Variants in PCDHA6 observed in about 807,000 individuals in gnomAD.
The protein encoded by PCDHA6 is protocadherin alpha-6.
Under a neutral mutation model 60.3 loss-of-function variants are expected in PCDHA6, and 55 were observed. The observed-to-expected ratio is 0.91, with a 90% CI of 0.73 to 1.14. The LOEUF (loss-of-function observed/expected upper bound fraction) is 1.14, where lower values mean the gene tolerates loss of function less well. Among genes scored for constraint, PCDHA6 ranks in the 50% most tolerant of loss-of-function variants. PCDHA6 has a pLI of 0.00. For synonymous variants in PCDHA6, 652 were observed against 557.9 expected, an observed-to-expected ratio of 1.17 and a Z score of -2.38; for missense variants, 1,327 against 1,256.5, an observed-to-expected ratio of 1.06 and a Z score of -0.85.
intron 1 of PCDHA6, chr5:140,870,013 A>C: frequency 6.2e-7 from 1 of 1,613,716 alleles, no homozygotes; most frequent in Non-Finnish European, 8.5e-7. Context: ...AGTGAGGGTC[A>C]ATGGAACTTT....
At chr5:140,847,483 T>C (rs1445193080) in intron 1 of PCDHA6, 2 of 149,968 alleles carry the variant, frequency 1.3e-5, no homozygotes, top group Non-Finnish European at 3.0e-5. Flanking sequence ...TGGAATAAGA[T>C]AGTAAAACTC....
intron 3 of PCDHA6, among the ~76,000 whole-genome samples, chr5:140,986,469 T>G (rs2097202307): frequency 6.6e-6 from 1 of 152,214 alleles, no homozygotes; most frequent in Non-Finnish European, 1.5e-5. Context: ...TGCCCTCTTG[T>G]GATCAGTTCC....
At chr5:140,957,189 G>T (rs1376112973) in intron 1 of PCDHA6, among the ~76,000 whole-genome samples, 1 of 152,174 alleles carries the variant, frequency 6.6e-6, no homozygotes, top group South Asian at 2.1e-4. Context: ...ATTGATGACC[G>T]ATTGGGAATA....
intron 1 of PCDHA6, chr5:140,869,090 C>T: frequency 6.3e-7 from 1 of 1,589,674 alleles, no homozygotes; most frequent in Non-Finnish European, 8.6e-7. Context: ...TTTTGGAAGC[C>T]AATTTCGTAT....
intron 1 of PCDHA6, among the ~76,000 whole-genome samples, chr5:140,934,564 A>T (rs2089922231): frequency 6.6e-6 from 1 of 152,076 alleles, no homozygotes; most frequent in African/African-American, 2.4e-5. Flanking sequence ...TCTTTTTTTT[A>T]ATTAATTGTA....
At chr5:140,922,910 A>C (rs1418606862) in intron 1 of PCDHA6, among the ~76,000 whole-genome samples, 4 of 152,228 alleles carry the variant, frequency 2.6e-5, no homozygotes, top group Admixed American at 2.6e-4. Flanking sequence ...TTGAGATACA[A>C]ATAAACTTCA....
chr5:140,871,484 A>G, intron 1 of PCDHA6: 1 of 1,592,270 alleles, frequency 6.3e-7, no homozygotes, highest in Non-Finnish European at 8.6e-7. Context: ...GGGTCAAATC[A>G]CCCCGGACAG....
At chr5:140,873,204 T>TAAAAG (rs2054159059) in intron 1 of PCDHA6, among the ~76,000 whole-genome samples, 1 of 152,168 alleles carries the variant, frequency 6.6e-6, no homozygotes, top group Non-Finnish European at 1.5e-5. Flanking sequence ...AAAACATTCT[T>TAAAAG]TAAGTATTAA....
chr5:140,835,849 T>A (rs2150246527), intron 1 of PCDHA6: 15 of 1,612,302 alleles, frequency 9.3e-6, no homozygotes, highest in Non-Finnish European at 1.3e-5. Flanking sequence ...AAGAACGCGC[T>A]GGTGTCCTAC....
chr5:140,939,240 AGGT>A (rs1314261929), intron 1 of PCDHA6, among the ~76,000 whole-genome samples: 2 of 152,170 alleles, frequency 1.3e-5, no homozygotes, highest in African/African-American at 4.8e-5. Context: ...GGAAGGAGCA[AGGT>A]AGCTCTCTGG....
chr5:141,008,323 A>C lies in PCDHA6; in HGVS notation c.2543-1304A>C, dbSNP rs2098370005. ...CCCTAAACTGTAATTGAACATAAACAGTTTATTTGATGGAGCTTTTCACGT... is the reference window on the plus strand; with the variant it reads ...CCCTAAACTGTAATTGAACATAAACCGTTTATTTGATGGAGCTTTTCACGT... On this transcript the variant is annotated intron_variant, in intron 3 of 3. Transcript: ENST00000529310. 2.0e-5 allele frequency among the ~76,000 whole-genome samples: 3 copies of C among 152,242 alleles called. No individual in the cohort carries two copies. The South Asian group carries it at 6.2e-4, about 32-fold the overall frequency.
At chr5:140,848,246 A>G (rs1781398365) in intron 1 of PCDHA6, 1 of 453,054 alleles carries the variant, frequency 2.2e-6, no homozygotes, top group African/African-American at 2.0e-5. Context: ...GTTTTGCAGA[A>G]TAACTGTGAA....
intron 1 of PCDHA6, chr5:140,862,483 G>A (rs1433222220): frequency 1.6e-5 from 6 of 382,112 alleles, no homozygotes; most frequent in Non-Finnish European, 2.6e-5. Context: ...ATCCATTGTT[G>A]GTAATCGCTC....
intron 1 of PCDHA6, chr5:140,850,107 C>G (rs2150467518): frequency 6.3e-7 from 1 of 1,596,166 alleles, no homozygotes; most frequent in East Asian, 2.2e-5. Context: ...GGTGAGCGCG[C>G]GCGACGCGGG....
chr5:140,828,066 T>C lies in PCDHA6; in HGVS notation c.-26T>C. 6.4e-7 allele frequency: 1 copy of C among 1,560,076 alleles called. No homozygotes were observed. Among genetic ancestry groups the C allele is most frequent in the South Asian group, 1.2e-5 (1 of 81,800 alleles). On this transcript the variant is annotated 5_prime_UTR_variant, in exon 1 of 4. An upstream start codon of the reference 5' UTR is lost. Transcript: ENST00000529310. Reference sequence around the variant, plus strand: ...TATCTTTATGCGGAAGATCTTCTAATGGAAATAAAACCAGAGGTATTTGAC... The same window carrying C: ...TATCTTTATGCGGAAGATCTTCTAACGGAAATAAAACCAGAGGTATTTGAC...
chr5:140,966,971 C>T lies in PCDHA6; in HGVS notation c.2395-11978C>T, dbSNP rs375161984. On this transcript the variant is annotated intron_variant, in intron 1 of 3. Coordinates refer to ENST00000529310, the MANE Select transcript of PCDHA6 (RefSeq NM_018909.4). ...CGTGGCTCGCGCGCTGGGGCTTGAG[C>T]TGCGGCGCTTGGGGCCGGGTTGCTT... 13 of 1,602,690 alleles carry T rather than the reference C, an allele frequency of 8.1e-6. No homozygotes were observed. The African/African-American group carries it at 1.7e-4, about 21-fold the overall frequency.
Position 140,830,139 on chromosome 5 carries a change from C to G in PCDHA6, c.2048C>G (p.Ser683Trp), listed in dbSNP as rs2150181764. ...GCTCCAAAGGCGTCATCACGGGCGT[C>G]GGTGGGCGCCGCGGGCCCAGAGGCG... ...GQAPKASSRA[S>W]VGAAGPEAAL... The change falls in exon 1 of 4, where the codon TCG becomes TGG. Residue 683 changes from serine to tryptophan, a missense_variant. Coordinates refer to ENST00000529310, the MANE Select transcript of PCDHA6 (RefSeq NM_018909.4). 2 of 1,613,260 alleles carry G rather than the reference C, an allele frequency of 1.2e-6. No individual in the cohort carries two copies. Among genetic ancestry groups the G allele is most frequent in the Non-Finnish European group, 1.7e-6 (2 of 1,179,874 alleles).
At chr5:140,918,667 G>A (rs2078804677) in intron 1 of PCDHA6, among the ~76,000 whole-genome samples, 1 of 152,172 alleles carries the variant, frequency 6.6e-6, no homozygotes, top group African/African-American at 2.4e-5. Flanking sequence ...TTGATGGTAT[G>A]AAGAGGTGAG....
chr5:140,881,724 A>C (rs1165848100), intron 1 of PCDHA6, among the ~76,000 whole-genome samples: 1 of 152,194 alleles, frequency 6.6e-6, no homozygotes, highest in Admixed American at 6.5e-5. Flanking sequence ...GAGGTCTTGA[A>C]AAATATTACA....
Sources: gnomAD v4.1 joint callset for allele counts (sites outside exome capture counted in the v4.1 genomes callset) on GRCh38, gnomAD v4.1.1 for gene constraint, MANE v1.5 for transcripts, NCBI Gene and HGNC (gene_info 2026-07-23, HGNC 2026-07-21) for gene names.